The following TTN variants were observed in gnomAD, a reference collection of about 807,000 sequenced individuals.
TTN encodes the protein connectin.
Under a neutral mutation model 3,223.0 loss-of-function variants are expected in TTN, and 1,525 were observed. The ratio of observed to expected loss-of-function variants is 0.47; its 90% confidence interval spans 0.45 to 0.49. The LOEUF is 0.49. Among genes scored for constraint, TTN ranks in the 20% least tolerant of loss-of-function variants. The pLI, the probability that TTN is intolerant of heterozygous loss-of-function variation, is 0.00. For synonymous variants in TTN, 14,094 were observed against 15,161.0 expected (o/e 0.93, Z 5.17); for missense variants, 40,786 against 43,424.0 (o/e 0.94, Z 5.40).
rs776187240 is a variant in TTN, at chr2:178,531,747, G to A, written c.104868C>T (p.Gly34956=). ...LRMRSHRVPC[G]QNTRFILNVQ... ...CATTTAAAATAAAACGTGTATTTTG[G>A]CCACATGGTACCCTGTGCGAGCGCA... The change falls in exon 358 of 363, where the codon GGC becomes GGT. Residue 34956 remains glycine, a synonymous_variant. Coordinates refer to ENST00000589042, the MANE Select transcript of TTN (RefSeq NM_001267550.2). 2 of 1,613,920 alleles carry A rather than the reference G, an allele frequency of 1.2e-6. No homozygotes were observed. Among genetic ancestry groups the A allele is most frequent in the Non-Finnish European group, 8.5e-7 (1 of 1,179,852 alleles).
rs1705288214 is a variant in TTN at position 178,565,243 on chromosome 2, T to A, written c.80889A>T (p.Glu26963Asp). The change falls in exon 326 of 363, where the codon GAA becomes GAT. Residue 26963 changes from glutamate to aspartate, a missense_variant. By Grantham distance (45) the Glu-to-Asp change is conservative (BLOSUM62 2). Transcript: ENST00000589042. ...TATNSAGTAT[E>D]NLSVIVLEKP... ...TTTCTAAAACGATAACACTGAGATT[T>A]TCTGTTGCTGTGCCTGCACTATTTG... The A allele has an allele frequency of 6.2e-7, 1 of 1,613,480 alleles. No homozygotes were observed. The highest frequency in any genetic ancestry group is 8.5e-7 in the Non-Finnish European group (1 of 1,179,692).
In TTN at chr2:178,614,691, T is replaced by G; in HGVS notation, c.48823A>C (p.Lys16275Gln). 1 of 1,612,234 alleles carries G rather than the reference T, an allele frequency of 6.2e-7. No homozygotes were observed. The highest frequency in any genetic ancestry group is 8.5e-7 in the Non-Finnish European group (1 of 1,179,016). Reference sequence around the variant, plus strand: ...GTTACGGTGGCAGGAAGTTCAATCTTGGTCCCAGCTTTTACAGTGAGACCA... The same window carrying G: ...GTTACGGTGGCAGGAAGTTCAATCTGGGTCCCAGCTTTTACAGTGAGACCA... Reference protein sequence around the residue: ...LAGLTVKAGTKIELPATVTGK... With the variant: ...LAGLTVKAGTQIELPATVTGK... The change falls in exon 261 of 363, where the codon AAG becomes CAG. Residue 16275 changes from lysine to glutamine, a missense_variant. Coordinates refer to ENST00000589042, the MANE Select transcript of TTN (RefSeq NM_001267550.2).
rs375603989 is a variant in TTN, at chr2:178,741,896, G to A, written c.11337C>T (p.Ala3779=). 6.4e-6 allele frequency: 10 copies of A among 1,555,226 alleles called. No individual in the cohort carries two copies. Among genetic ancestry groups the A allele is most frequent in the African/African-American group, 1.4e-5 (1 of 73,130 alleles). The change falls in exon 48 of 363, where the codon GCC becomes GCT. Residue 3779 remains alanine, a synonymous_variant. Coordinates refer to ENST00000589042, the MANE Select transcript of TTN (RefSeq NM_001267550.2). ...MKEFSSSFLS[A]EEEGLHSAEL... is the part of the protein sequence containing the mutation. ...CGGCGCTATGAAGTCCTTCTTCCTC[G>A]GCAGACAGAAAAGAACTAGAAAACT...
chr2:178,646,659 T>C (rs369528486), intron 215 of TTN, 100 bp from the exon 216 acceptor site: 25 of 680,482 alleles, frequency 3.7e-5, no homozygotes, highest in Admixed American at 1.9e-4. Flanking sequence ...AGTCACAAAA[T>C]AAAAATATAC....
Position 178,569,902 on chromosome 2 carries a change from G to T in TTN, c.76230C>A (p.Asn25410Lys). The T allele has an allele frequency of 1.9e-6, 3 of 1,613,386 alleles. No individual in the cohort carries two copies. The highest frequency in any genetic ancestry group is 2.5e-6 in the Non-Finnish European group (3 of 1,179,594). ...TGGTTATGTCTATGACTTTGGGGTT[G>T]TTTGGGGGTCCTGGTTTATAAATAG... The part of the protein sequence containing the change: ...CDPIYKPGPP[N>K]NPKVIDITRS... The change falls in exon 326 of 363, where the codon AAC becomes AAA. Residue 25410 changes from asparagine to lysine, a missense_variant. Coordinates refer to ENST00000589042, the MANE Select transcript of TTN (RefSeq NM_001267550.2).
chr2:178,806,923 C>T (rs990671985), intron 1 of TTN, among the ~76,000 whole-genome samples: 1 of 152,176 alleles, frequency 6.6e-6, no homozygotes, highest in African/African-American at 2.4e-5. Flanking sequence ...AAGAAGTAAA[C>T]ATTTCTCTCA....
Position 178,786,129 on chromosome 2 carries a change from T to C in TTN, c.2089A>G (p.Lys697Glu). The C allele has an allele frequency of 6.2e-7, 1 of 1,613,872 alleles. No homozygotes were observed. The highest frequency in any genetic ancestry group is 1.1e-5 in the South Asian group (1 of 91,076). ...ACTGTTGCTACAGCTTCAGCCTTTT[T>C]TCCAACGTCCACCTGGAGACAAGGT... ...QVTHGKVDVGKKAEAVATVVA... is the reference protein window; with the variant it reads ...QVTHGKVDVGEKAEAVATVVA... Residue 697 changes from lysine to glutamate, a missense_variant, in exon 14 of 363, where the codon AAA (lysine) becomes GAA (glutamate). Lys to Glu is a moderately conservative substitution (Grantham distance 56). Coordinates refer to ENST00000589042, the MANE Select transcript of TTN (RefSeq NM_001267550.2).
chr2:178,723,714 A>G lies in TTN; in HGVS notation c.21404-18T>C. 1 of 1,541,068 alleles carries G rather than the reference A, an allele frequency of 6.5e-7. No homozygotes were observed. Among genetic ancestry groups the G allele is most frequent in the Non-Finnish European group, 8.7e-7 (1 of 1,149,232 alleles). On this transcript the variant is annotated intron_variant, in intron 73 of 362. Transcript: ENST00000589042. Reference sequence around the variant, plus strand: ...GGGTGGTTCTATATAGACATGGAGAACAATTAAAAGATCCTGTAAGCTTCA... The same window carrying G: ...GGGTGGTTCTATATAGACATGGAGAGCAATTAAAAGATCCTGTAAGCTTCA...
chr2:178,727,501 T>A (rs1005725311), intron 68 of TTN, 84 bp downstream of exon 68: 5 of 1,509,068 alleles, frequency 3.3e-6, no homozygotes, highest in Non-Finnish European at 4.4e-6. Flanking sequence ...TACTACTTTC[T>A]TGATTGTTTA....
chr2:178,666,267 G>A (rs1221380998), intron 163 of TTN, among the ~76,000 whole-genome samples: 2 of 151,996 alleles, frequency 1.3e-5, no homozygotes, highest in African/African-American at 4.8e-5. Flanking sequence ...AGAATACCAT[G>A]GGTGTTATGA....
At position 178,561,783 on chromosome 2, in the gene TTN, C is replaced by A; in HGVS notation, c.84349G>T (p.Val28117Phe). 6.2e-7 allele frequency: 1 copy of A among 1,613,648 alleles called. No homozygotes were observed. Among genetic ancestry groups the A allele is most frequent in the Non-Finnish European group, 8.5e-7 (1 of 1,179,744 alleles). The change falls in exon 326 of 363, where the codon GTT becomes TTT. Residue 28117 changes from valine to phenylalanine, a missense_variant. Val to Phe is a conservative substitution (Grantham distance 50). Transcript: ENST00000589042. Reference sequence around the variant, plus strand: ...TACTCACTTCCTGTTGTCAGGCGAACTATTTTAATGGATGTTCTTGCAACT... The same window carrying A: ...TACTCACTTCCTGTTGTCAGGCGAAATATTTTAATGGATGTTCTTGCAACT... ...QAVARTSIKI[V>F]RLTTGSEYQF...
chr2:178,538,705 C>T lies in TTN; in HGVS notation c.99124G>A (p.Asp33042Asn). Residue 33042 changes from aspartate (D) to asparagine (N), a missense_variant, in exon 354 of 363, where the codon GAC (aspartate) becomes AAC (asparagine). Asp to Asn is a conservative substitution (Grantham distance 23). Coordinates refer to ENST00000589042, the MANE Select transcript of TTN (RefSeq NM_001267550.2). ...GYWVEYRQSG[D>N]SAWKKSNKER... is the part of the protein sequence containing the mutation. Reference sequence around the variant, plus strand: ...TTATTGCTCTTCTTCCAGGCACTGTCTCCAGACTGTCTATATTCAACCCAG... The same window carrying T: ...TTATTGCTCTTCTTCCAGGCACTGTTTCCAGACTGTCTATATTCAACCCAG... 3 of 1,613,806 alleles carry T rather than the reference C, an allele frequency of 1.9e-6. No individual in the cohort carries two copies. The highest frequency in any genetic ancestry group is 2.5e-6 in the Non-Finnish European group (3 of 1,179,752).
chr2:178,734,366 A>T lies in TTN; in HGVS notation c.15458T>A (p.Val5153Asp). The T allele has an allele frequency of 1.2e-6, 2 of 1,607,530 alleles. No individual in the cohort carries two copies. The highest frequency in any genetic ancestry group is 1.1e-5 in the South Asian group (1 of 90,316). ...GEYECVVANE[V>D]GKCGCMATHL... is the part of the protein sequence containing the mutation. ...GGTTGCCATGCAGCCACACTTGCCG[A>T]CTTCATTAGCAACAACACATTCATA... is the stretch of plus-strand genomic sequence containing the variant. Residue 5153 changes from valine (V) to aspartate (D), a missense_variant, in exon 52 of 363, where the codon GTC (valine) becomes GAC (aspartate). Physicochemically the swap from Val to Asp is radical, Grantham distance 152. Transcript: ENST00000589042.
In TTN at chr2:178,779,019, GA is replaced by G; in HGVS notation, c.4062del (p.Leu1355PhefsTer42). 2.5e-6 allele frequency: 4 copies of G among 1,613,296 alleles called. No homozygotes were observed. Among genetic ancestry groups the G allele is most frequent in the Non-Finnish European group, 2.5e-6 (3 of 1,179,730 alleles). Reference sequence around the variant, plus strand: ...GTGTAGATTCCTTCATCTTCTGGAAGAACAACAGGTATACGCAGACTAGCTC... The same window carrying G: ...GTGTAGATTCCTTCATCTTCTGGAAGACAACAGGTATACGCAGACTAGCTC... ...DGRASLRIPV[V>X]LPEDEGIYTA... On this transcript the variant is annotated frameshift_variant, in exon 24 of 363. Transcript: ENST00000589042. LOFTEE classifies it high-confidence loss of function.
rs34337578 is a variant in TTN at position 178,793,493 on chromosome 2, C to T, written c.1447G>A (p.Ala483Thr). Residue 483 changes from alanine to threonine, a missense_variant, in exon 9 of 363, where the codon GCC becomes ACC. Coordinates refer to ENST00000589042, the MANE Select transcript of TTN (RefSeq NM_001267550.2). The stretch of plus-strand genomic sequence containing the variant: ...AATTCTTGTTCCTTGGCTTTATCGG[C>T]GGCCACTACTACCTTAGTTACAGCA... ...KTAVTKVVVAADKAKEQELKS... is the reference protein window; with the variant it reads ...KTAVTKVVVATDKAKEQELKS... The T allele has an allele frequency of 4.9e-5, 79 of 1,613,964 alleles. No homozygotes were observed. Among genetic ancestry groups the T allele is most frequent in the Middle Eastern group, 1.6e-4 (1 of 6,084 alleles).
At position 178,757,534 on chromosome 2, in the gene TTN, G is replaced by A. The variant is rs2087665355; in HGVS notation, c.10678+8C>T. On this transcript the variant is annotated splice_region_variant and intron_variant, in intron 45 of 362. Transcript: ENST00000589042. ...AAATCAAAGTCCTTGAAGCAAGATG[G>A]GCTTTACCTTTTGGAGTCACTGTGA... The A allele has an allele frequency of 6.5e-7, 1 of 1,541,924 alleles. No individual in the cohort carries two copies. Among genetic ancestry groups the A allele is most frequent in the Admixed American group, 1.9e-5 (1 of 51,498 alleles).
Position 178,612,089 on chromosome 2 carries a change from T to G in TTN, c.50322A>C (p.Pro16774=), listed in dbSNP as rs1333231112. 2 of 1,611,874 alleles carry G rather than the reference T, an allele frequency of 1.2e-6. No individual in the cohort carries two copies. Among genetic ancestry groups the G allele is most frequent in the Non-Finnish European group, 8.5e-7 (1 of 1,178,884 alleles). ...TKRHVDLKWE[P]PKNDGGRPIQ... ...TTGGTCTTCCACCATCATTTTTAGG[T>G]GGCTCCCACTTTAGGTCAACATGTC... The change falls in exon 267 of 363, where the codon CCA becomes CCC. Residue 16774 remains proline (P), a synonymous_variant. Coordinates refer to ENST00000589042, the MANE Select transcript of TTN (RefSeq NM_001267550.2).
rs373291051 is a variant in TTN at position 178,545,679 on chromosome 2, G to C, written c.95431C>G (p.Pro31811Ala). The change falls in exon 344 of 363, where the codon CCC becomes GCC. Residue 31811 changes from proline to alanine, a missense_variant. Coordinates refer to ENST00000589042, the MANE Select transcript of TTN (RefSeq NM_001267550.2). ...ARNSFTIPSPPGIPEEVGTGK... is the reference protein window; with the variant it reads ...ARNSFTIPSPAGIPEEVGTGK... ...GTCCCAACTTCTTCAGGTATGCCGGGTGGTGATGGAATAGCTGTTTATGAA... is the reference window on the plus strand; with the variant it reads ...GTCCCAACTTCTTCAGGTATGCCGGCTGGTGATGGAATAGCTGTTTATGAA... 2.5e-6 allele frequency: 4 copies of C among 1,612,906 alleles called. No homozygotes were observed. The highest frequency in any genetic ancestry group is 1.1e-5 in the South Asian group (1 of 91,034).
rs1578149449 is a variant in TTN, at chr2:178,730,322, G to A, written c.18078C>T (p.Asn6026=). Residue 6026 remains asparagine (N), a synonymous_variant, in exon 62 of 363, where the codon AAC becomes AAT. Coordinates refer to ENST00000589042, the MANE Select transcript of TTN (RefSeq NM_001267550.2). ...CAAGAGCCTTTAACTGTACCCTTGTGTTGGGATTGACATCTTGTGACTGTG... is the reference window on the plus strand; with the variant it reads ...CAAGAGCCTTTAACTGTACCCTTGTATTGGGATTGACATCTTGTGACTGTG... ...EKPQSQDVNP[N]TRVQLKALVG... 5 of 1,611,236 alleles carry A rather than the reference G, an allele frequency of 3.1e-6. No individual in the cohort carries two copies. The highest frequency in any genetic ancestry group is 3.4e-6 in the Non-Finnish European group (4 of 1,178,512).
Sources: allele counts gnomAD v4.1 joint callset (sites outside exome capture counted in the v4.1 genomes callset), GRCh38; gene constraint gnomAD v4.1.1; transcripts MANE v1.5; gene names NCBI Gene and HGNC (gene_info 2026-07-23, HGNC 2026-07-21).